Variants in SGCZ observed in about 807,000 individuals in gnomAD.
The protein encoded by SGCZ is zeta-sarcoglycan.
Under a neutral mutation model 41.3 loss-of-function variants are expected in SGCZ, and 40 were observed. That is an observed-to-expected ratio of 0.97 (90% CI 0.75 to 1.26). The LOEUF (loss-of-function observed/expected upper bound fraction) is 1.26, where lower values mean the gene tolerates loss of function less well. Among genes scored for constraint, SGCZ ranks in the 50% most tolerant of loss-of-function variants. The pLI is 0.00. For synonymous variants in SGCZ, 206 were observed against 137.5 expected (o/e 1.50, Z -3.49); for missense variants, 552 against 369.8 (o/e 1.49, Z -4.04).
At chr8:14,999,305 C>A (rs1229326321) in intron 1 of SGCZ, among the ~76,000 whole-genome samples, 5 of 152,130 alleles carry the variant, frequency 3.3e-5, no homozygotes, top group African/African-American at 1.2e-4. Context: ...CACATTAATA[C>A]TTGCTGAGAT....
intron 3 of SGCZ, among the ~76,000 whole-genome samples, chr8:14,245,384 C>G (rs1585273562): frequency 6.6e-6 from 1 of 152,170 alleles, no homozygotes; most frequent in Admixed American, 6.6e-5. Flanking sequence ...GGAAAACTGG[C>G]TAGCCATATG....
chr8:14,192,811 A>C (rs990005771), intron 4 of SGCZ, among the ~76,000 whole-genome samples: 4 of 152,090 alleles, frequency 2.6e-5, no homozygotes, highest in Non-Finnish European at 5.9e-5. Context: ...TTTCATTTGC[A>C]AAATTAAATT....
intron 1 of SGCZ, among the ~76,000 whole-genome samples, chr8:14,604,383 G>T (rs1805682426): frequency 6.6e-6 from 1 of 151,998 alleles, no homozygotes; most frequent in African/African-American, 2.4e-5. Context: ...GTCTGCCATG[G>T]GCATATAGGA....
At chr8:14,743,421 A>G (rs780229638) in intron 1 of SGCZ, among the ~76,000 whole-genome samples, 2 of 152,116 alleles carry the variant, frequency 1.3e-5, no homozygotes, top group Non-Finnish European at 2.9e-5. Context: ...ACTGTTTTAT[A>G]TGAAATAACT....
At chr8:15,008,074 A>T (rs1480663161) in intron 1 of SGCZ, among the ~76,000 whole-genome samples, 1 of 152,216 alleles carries the variant, frequency 6.6e-6, no homozygotes, top group Admixed American at 6.5e-5. Flanking sequence ...TATCAAAAAA[A>T]CTACTGTAAA....
chr8:14,353,019 G>A (rs529770558), intron 2 of SGCZ, among the ~76,000 whole-genome samples: 1 of 151,982 alleles, frequency 6.6e-6, no homozygotes, highest in East Asian at 1.9e-4. Flanking sequence ...AACTTTCTGG[G>A]CGTTCTTACC....
chr8:14,865,586 A>C (rs1046831002), intron 1 of SGCZ, among the ~76,000 whole-genome samples: 3 of 152,124 alleles, frequency 2.0e-5, no homozygotes, highest in African/African-American at 7.2e-5. Context: ...TGCATTCTCC[A>C]CGAATTAACC....
At chr8:14,754,779 T>G (rs1049329862) in intron 1 of SGCZ, among the ~76,000 whole-genome samples, 2 of 152,138 alleles carry the variant, frequency 1.3e-5, no homozygotes, top group African/African-American at 4.8e-5. Context: ...ATAACCTCGG[T>G]TCACTGCAAC....
chr8:15,017,237 T>C (rs746274895), intron 1 of SGCZ, among the ~76,000 whole-genome samples: 19 of 152,154 alleles, frequency 1.2e-4, no homozygotes, highest in Admixed American at 5.9e-4. Context: ...GTAATAATTA[T>C]TCCCATATGA....
chr8:14,309,800 T>C, intron 3 of SGCZ: 1 of 1,443,452 alleles, frequency 6.9e-7, no homozygotes, highest in Non-Finnish European at 9.4e-7. Context: ...TAAATGTTAC[T>C]AAGGTATAAG....
At chr8:14,901,456 T>G (rs1798966121) in intron 1 of SGCZ, among the ~76,000 whole-genome samples, 1 of 152,194 alleles carries the variant, frequency 6.6e-6, no homozygotes, top group African/African-American at 2.4e-5. Flanking sequence ...CGTATACGTT[T>G]TTCCTTTCAC....
chr8:14,146,887 A>AT (rs1450885494), intron 5 of SGCZ, among the ~76,000 whole-genome samples: 1 of 112,908 alleles, frequency 8.9e-6, no homozygotes, highest in African/African-American at 3.4e-5. Context: ...ATAAAAATAA[A>AT]AAAAATAATA....
chr8:14,175,741 A>T (rs527826150), intron 4 of SGCZ, among the ~76,000 whole-genome samples: 3 of 152,142 alleles, frequency 2.0e-5, no homozygotes, highest in Non-Finnish European at 4.4e-5. Flanking sequence ...CACTAATTAC[A>T]CTAAATACAA....
intron 1 of SGCZ, among the ~76,000 whole-genome samples, chr8:14,595,441 A>ACC (rs1554459977): frequency 2.0e-5 from 3 of 148,132 alleles, no homozygotes; most frequent in African/African-American, 7.5e-5. Flanking sequence ...ACACACACAC[A>ACC]CCATGTACTG....
intron 2 of SGCZ, among the ~76,000 whole-genome samples, chr8:14,328,173 C>T (rs565591441): frequency 6.6e-6 from 1 of 152,240 alleles, no homozygotes; most frequent in East Asian, 1.9e-4. Context: ...ACCTGACTCT[C>T]ACACTCAGGC....
chr8:14,921,403 G>A lies in SGCZ; in HGVS notation c.39+316182C>T, dbSNP rs1585380669. 2.6e-5 allele frequency among the ~76,000 whole-genome samples: 4 copies of A among 152,052 alleles called. No homozygotes were observed. In the East Asian group the frequency reaches 5.8e-4, roughly 22 times the overall value. On this transcript the variant is annotated intron_variant, in intron 1 of 7. Transcript: ENST00000382080. The stretch of plus-strand genomic sequence containing the variant: ...TCAGGCAACTTCTTCATTAGAAAAT[G>A]GGGAGAGCAATGACCCCTATCTATC...
intron 1 of SGCZ, among the ~76,000 whole-genome samples, chr8:14,798,993 T>C (rs1345776588): frequency 1.3e-5 from 2 of 151,884 alleles, no homozygotes; most frequent in Admixed American, 6.6e-5. Flanking sequence ...CATAATACAG[T>C]AGTGGATTCT....
At chr8:15,142,031 G>A (rs1798902002) in intron 1 of SGCZ, among the ~76,000 whole-genome samples, 1 of 152,208 alleles carries the variant, frequency 6.6e-6, no homozygotes, top group South Asian at 2.1e-4. Context: ...GAAAGACCGA[G>A]TAGGAAAATT....
intron 2 of SGCZ, among the ~76,000 whole-genome samples, chr8:14,363,992 A>G (rs901177709): frequency 2.6e-5 from 4 of 152,106 alleles, no homozygotes; most frequent in African/African-American, 9.7e-5. Context: ...TCCTCATTTT[A>G]TGCAATACTG....
Sources: allele counts gnomAD v4.1 joint callset (sites outside exome capture counted in the v4.1 genomes callset), GRCh38; gene constraint gnomAD v4.1.1; transcripts MANE v1.5; gene names NCBI Gene and HGNC (gene_info 2026-07-23, HGNC 2026-07-21).